Variants in KCNN2 observed in about 807,000 individuals in gnomAD.
The protein encoded by KCNN2 is potassium calcium-activated channel subfamily N member 2, also known as small conductance calcium-activated potassium channel protein 2.
In KCNN2, 24 loss-of-function variants were observed where a neutral mutation model predicts 55.5. That is an observed-to-expected ratio of 0.43 (90% confidence interval 0.31 to 0.61). The LOEUF (loss-of-function observed/expected upper bound fraction) is 0.61, where lower values mean the gene tolerates loss of function less well. Ranked by LOEUF, KCNN2 falls within the 20% of genes least tolerant of loss-of-function variation. KCNN2 has a pLI of 0.08. For synonymous variants in KCNN2, 431 were observed against 336.1 expected (o/e 1.28, Z -3.09); for missense variants, 754 against 853.6 (o/e 0.88, Z 1.45).
At chr5:114,376,542 G>A (rs1757952520) in intron 2 of KCNN2, among the ~76,000 whole-genome samples, 1 of 152,242 alleles carries the variant, frequency 6.6e-6, no homozygotes, top group African/African-American at 2.4e-5. Flanking sequence ...GGCTGATGGT[G>A]AGAAACGATA....
chr5:114,489,645 C>T (rs1440942176), intron 6 of KCNN2, among the ~76,000 whole-genome samples: 3 of 152,046 alleles, frequency 2.0e-5, no homozygotes, highest in Non-Finnish European at 2.9e-5. Context: ...TAACTGAGTA[C>T]GTTTATTCAT....
chr5:114,311,260 T>A (rs1756386467), intron 2 of KCNN2, among the ~76,000 whole-genome samples: 1 of 152,184 alleles, frequency 6.6e-6, no homozygotes, highest in South Asian at 2.1e-4. Context: ...AAGAAAGAGG[T>A]AAAAATGTAA....
intron 2 of KCNN2, among the ~76,000 whole-genome samples, chr5:114,346,607 TAC>T (rs1757106990): frequency 6.6e-6 from 1 of 152,154 alleles, no homozygotes; most frequent in Non-Finnish European, 1.5e-5. Flanking sequence ...TAAATATATA[TAC>T]ACAGAGATAG....
chr5:114,317,258 T>A (rs1195737364), intron 2 of KCNN2, among the ~76,000 whole-genome samples: 1 of 152,156 alleles, frequency 6.6e-6, no homozygotes, highest in African/African-American at 2.4e-5. Context: ...GAAGCCAGCT[T>A]TGTAATGTCT....
intron 3 of KCNN2, among the ~76,000 whole-genome samples, chr5:114,420,278 C>G (rs1210870017): frequency 2.0e-5 from 3 of 152,254 alleles, no homozygotes; most frequent in Non-Finnish European, 2.9e-5. Context: ...TGCAATATCT[C>G]TCTCTGCAAG....
At chr5:114,376,969 C>A (rs1757965390) in intron 2 of KCNN2, among the ~76,000 whole-genome samples, 1 of 152,140 alleles carries the variant, frequency 6.6e-6, no homozygotes, top group African/African-American at 2.4e-5. Flanking sequence ...TGGTGCATGC[C>A]TGTAGTCCTA....
intron 4 of KCNN2, among the ~76,000 whole-genome samples, chr5:114,472,757 C>G (rs556124750): frequency 1.3e-5 from 2 of 152,260 alleles, no homozygotes; most frequent in South Asian, 4.2e-4. Context: ...CTGACTTGCT[C>G]TGTTTTTTAA....
intron 1 of KCNN2, among the ~76,000 whole-genome samples, chr5:114,208,868 A>G (rs1275854017): frequency 6.6e-6 from 1 of 152,076 alleles, no homozygotes; most frequent in Non-Finnish European, 1.5e-5. Context: ...ACCTCTCAAC[A>G]ACATCTTCTC....
At chr5:114,248,483 A>T (rs1221207587) in intron 2 of KCNN2, among the ~76,000 whole-genome samples, 4 of 151,976 alleles carry the variant, frequency 2.6e-5, no homozygotes. Flanking sequence ...TATCTGAAAG[A>T]GGCAGAGAGG....
In KCNN2 at chr5:114,131,054, G is replaced by A. The variant is rs180926044; in HGVS notation, c.-271+74554G>A. Among the ~76,000 whole-genome samples, 221 of 152,046 alleles carry A rather than the reference G, an allele frequency of 1.5e-3. 1 individual carries two copies. The highest frequency in any genetic ancestry group is 4.9e-3 in the African/African-American group (204 of 41,490). On this transcript the variant is annotated intron_variant, in intron 1 of 10. Coordinates refer to the KCNN2 transcript ENST00000512097. ...AAACCTTTATGGTTATCCTGACAGC[G>A]TTCTTTTTTTTTCTAAGCCATTGAA...
intron 3 of KCNN2, among the ~76,000 whole-genome samples, chr5:114,418,803 G>A (rs1470151387): frequency 1.3e-5 from 2 of 152,154 alleles, no homozygotes; most frequent in African/African-American, 4.8e-5. Context: ...TAGGAACAGC[G>A]ATCTAGAATT....
chr5:114,086,253 C>T (rs1751013406), intron 1 of KCNN2, among the ~76,000 whole-genome samples: 3 of 152,016 alleles, frequency 2.0e-5, no homozygotes, highest in South Asian at 4.2e-4. Context: ...TTAGTCCAAT[C>T]TGTTTATTTA....
chr5:114,060,665 G>A (rs1310280453), intron 1 of KCNN2, among the ~76,000 whole-genome samples: 1 of 152,180 alleles, frequency 6.6e-6, no homozygotes, highest in African/African-American at 2.4e-5. Flanking sequence ...TATGTGGCTT[G>A]GTTAGGTCAC....
At chr5:114,274,984 T>A (rs894093086) in intron 2 of KCNN2, among the ~76,000 whole-genome samples, 2 of 152,132 alleles carry the variant, frequency 1.3e-5, no homozygotes, top group African/African-American at 2.4e-5. Flanking sequence ...CATAAATAGC[T>A]CTTATTATTT....
At chr5:114,282,800 A>G (rs1202949768) in intron 2 of KCNN2, among the ~76,000 whole-genome samples, 1 of 152,156 alleles carries the variant, frequency 6.6e-6, no homozygotes, top group Non-Finnish European at 1.5e-5. Flanking sequence ...GAGAAGCTGT[A>G]TGAAGTCATA....
intron 2 of KCNN2, among the ~76,000 whole-genome samples, chr5:114,288,931 C>T (rs189332877): frequency 1.3e-5 from 2 of 152,016 alleles, no homozygotes; most frequent in African/African-American, 4.8e-5. Context: ...AATGTATTGC[C>T]AAAACCCAGA....
intron 3 of KCNN2, among the ~76,000 whole-genome samples, chr5:114,421,593 C>T (rs538717378): frequency 1.3e-5 from 2 of 152,040 alleles, no homozygotes; most frequent in African/African-American, 2.4e-5. Flanking sequence ...TCTACAACCT[C>T]CCCAGCATCT....
chr5:114,481,541 CTA>C (rs1327691254), intron 5 of KCNN2, among the ~76,000 whole-genome samples: 1 of 152,070 alleles, frequency 6.6e-6, no homozygotes, highest in Non-Finnish European at 1.5e-5. Context: ...AGAAAAAAAA[CTA>C]TTTTAAAATT....
intron 1 of KCNN2, among the ~76,000 whole-genome samples, chr5:114,219,172 C>T (rs1212681815): frequency 6.6e-6 from 1 of 152,188 alleles, no homozygotes; most frequent in Non-Finnish European, 1.5e-5. Flanking sequence ...CTTGAAGCCC[C>T]AGAGGGCATG....
Sources: allele counts gnomAD v4.1 joint callset (sites outside exome capture counted in the v4.1 genomes callset), GRCh38; gene constraint gnomAD v4.1.1; transcripts MANE v1.5; gene names NCBI Gene and HGNC (gene_info 2026-07-23, HGNC 2026-07-21).